Variants in SRPRA observed in about 807,000 individuals in gnomAD.
SRPRA encodes signal recognition particle receptor subunit alpha.
In SRPRA, 30 loss-of-function variants were observed where a neutral mutation model predicts 61.1. The ratio of observed to expected loss-of-function variants is 0.49; its 90% CI spans 0.37 to 0.67. The LOEUF (loss-of-function observed/expected upper bound fraction) is 0.67, where lower values mean the gene tolerates loss of function less well. SRPRA is among the 30% of genes least tolerant of loss of function. The pLI, the probability that SRPRA is intolerant of heterozygous loss-of-function variation, is 0.00. For synonymous variants in SRPRA, 324 were observed against 299.7 expected, an observed-to-expected ratio of 1.08 and a Z score of -0.84; for missense variants, 759 against 828.4, an observed-to-expected ratio of 0.92 and a Z score of 1.03.
the SRPRA span, among the ~76,000 whole-genome samples, chr11:126,247,902 C>T: frequency 6.3e-5 from 9 of 143,856 alleles, no homozygotes; most frequent in Non-Finnish European, 1.4e-4. Context: ...TATAGATATA[C>T]GTATATCTAT....
intron 6 of SRPRA, 97 bp downstream of exon 6, chr11:126,266,379 T>A (rs1207376942): frequency 6.3e-7 from 1 of 1,590,386 alleles, no homozygotes; most frequent in Non-Finnish European, 8.6e-7. Context: ...GCTCCAAGTA[T>A]AACTTACCCC....
the SRPRA span, chr11:126,254,490 A>G: frequency 2.5e-6 from 4 of 1,602,900 alleles, no homozygotes; most frequent in Non-Finnish European, 3.4e-6. Context: ...ATCTCTCTAA[A>G]TATGCCATAG....
the SRPRA span, chr11:126,256,544 T>C: frequency 3.1e-4 from 491 of 1,608,964 alleles, 2 homozygotes; most frequent in South Asian, 4.9e-3. The surrounding 1 kb of genome is among the most constrained non-coding windows in gnomAD (Gnocchi z 6.6). Context: ...ACAATGTCAA[T>C]ATGTTGTATC....
the SRPRA span, among the ~76,000 whole-genome samples, chr11:126,249,760 AG>A: frequency 6.6e-6 from 1 of 151,100 alleles, no homozygotes; most frequent in African/African-American, 2.4e-5. Context: ...AAAAAGAAAA[AG>A]AAAAGGAGAT....
Position 126,264,146 on chromosome 11 carries a change from T to TC in SRPRA, c.1788+44dup. ...GCCAAGATTTCCTTGCAGCCTCAGC[T>TC]CCTTTGTGCAGGACGCCCATTCCAG... On this transcript the variant is annotated intron_variant, in intron 13 of 13. Transcript: ENST00000332118. This position sits in a 1 kb window ranked among gnomAD's most constrained non-coding sequence, Gnocchi z 5.0. 2 of 1,612,038 alleles carry TC rather than the reference T, an allele frequency of 1.2e-6. No individual in the cohort carries two copies. The highest frequency in any genetic ancestry group is 1.7e-6 in the Non-Finnish European group (2 of 1,178,648).
chr11:126,265,784 TCA>T lies in SRPRA; in HGVS notation c.1089_1090del (p.Cys363Ter). 1.2e-6 allele frequency: 2 copies of T among 1,614,204 alleles called. No individual in the cohort carries two copies. The highest frequency in any genetic ancestry group is 1.7e-6 in the Non-Finnish European group (2 of 1,180,040). ...CCCTTCCAACTTGTTGGCAACAGAT[TCA>T]CAGAGCTGGACGGCAATGTCTGCAG... On this transcript the variant is annotated stop_gained and frameshift_variant, in exon 9 of 14. Transcript: ENST00000332118. LOFTEE classifies it high-confidence loss of function. This position sits in a 1 kb window ranked among gnomAD's most constrained non-coding sequence, Gnocchi z 6.3.
At chr11:126,236,502 T>C in the SRPRA span, among the ~76,000 whole-genome samples, 2 of 152,200 alleles carry the variant, frequency 1.3e-5, no homozygotes, top group African/African-American at 2.4e-5. Context: ...TTGTTGTTCA[T>C]TAGAAGCTTA....
At chr11:126,262,192 G>C (rs561297451), downstream of SRPRA, 3 of 1,573,052 alleles carry the variant, frequency 1.9e-6, no homozygotes, top group Admixed American at 5.1e-5. Context: ...TACAGACAGT[G>C]TTTAACAAGT....
chr11:126,240,826 C>T, the SRPRA span: 14 of 1,610,406 alleles, frequency 8.7e-6, no homozygotes, highest in South Asian at 5.5e-5. Context: ...TAAGAAGCCT[C>T]GAGAACTTGT....
rs1486936937 is a variant in SRPRA at position 126,266,748 on chromosome 11, A to G, written c.686+15T>C. ...GATAACAGTATTTTGAGAGTACTGG[A>G]GAAAGAGTGCTCACTTGGACTTCTC... On this transcript the variant is annotated intron_variant, in intron 5 of 13. Transcript: ENST00000332118. 7.4e-6 allele frequency: 12 copies of G among 1,613,718 alleles called. No homozygotes were observed. The highest frequency in any genetic ancestry group is 2.5e-6 in the Non-Finnish European group (3 of 1,179,760).
At chr11:126,256,991 T>C in the SRPRA span, 1 of 854,928 alleles carries the variant, frequency 1.2e-6, no homozygotes, top group East Asian at 2.5e-5. The surrounding 1 kb of genome is among the most constrained non-coding windows in gnomAD (Gnocchi z 6.6). Flanking sequence ...GGCCACAGTC[T>C]TCAGGTTAGA....
the SRPRA span, among the ~76,000 whole-genome samples, chr11:126,257,348 C>T: frequency 6.6e-6 from 1 of 152,250 alleles, no homozygotes; most frequent in South Asian, 2.1e-4. Context: ...GATGATTGCA[C>T]AATCACACAA....
rs759706861 is a variant in SRPRA, at chr11:126,263,866, A to G, written c.*50T>C. On this transcript the variant is annotated 3_prime_UTR_variant, in exon 14 of 14. Transcript: ENST00000332118. Reference sequence around the variant, plus strand: ...CTCTAAAGCACATTCTTGATACAGGAAGAAGGGCTTGTGGGGAAAGCGGCG... The same window carrying G: ...CTCTAAAGCACATTCTTGATACAGGGAGAAGGGCTTGTGGGGAAAGCGGCG... The G allele has an allele frequency of 6.2e-7, 1 of 1,607,368 alleles. No individual in the cohort carries two copies. Among genetic ancestry groups the G allele is most frequent in the African/African-American group, 1.3e-5 (1 of 74,718 alleles).
At chr11:126,266,984 T>C in intron 4 of SRPRA, 62 bp from the exon 5 acceptor site, 1 of 1,570,006 alleles carries the variant, frequency 6.4e-7, no homozygotes, top group Non-Finnish European at 8.6e-7. Flanking sequence ...AGACAATGGC[T>C]AAAAGTCTTC....
In SRPRA at chr11:126,265,373, A is replaced by G. The variant is rs1414343581; in HGVS notation, c.1206T>C (p.Arg402=). The change falls in exon 10 of 14, where the codon CGT becomes CGC. Residue 402 remains arginine, a synonymous_variant. Transcript: ENST00000332118. This position sits in a 1 kb window ranked among gnomAD's most constrained non-coding sequence, Gnocchi z 6.3. The part of the protein sequence containing the change: ...SLVQILQPQR[R]VDMLRDIMDA... ...CCATGATGTCCCGGAGCATGTCTACACGACGCTGTGGCTGCAGAATCTGCA... is the reference window on the plus strand; with the variant it reads ...CCATGATGTCCCGGAGCATGTCTACGCGACGCTGTGGCTGCAGAATCTGCA... The G allele has an allele frequency of 7.4e-6, 12 of 1,613,968 alleles. No homozygotes were observed. Among genetic ancestry groups the G allele is most frequent in the Middle Eastern group, 1.6e-4 (1 of 6,084 alleles).
chr11:126,245,148 A>G, the SRPRA span: 1 of 152,156 alleles, frequency 6.6e-6, no homozygotes, highest in Non-Finnish European at 1.5e-5. Flanking sequence ...GGGGACCACC[A>G]GGTTGCCTAA....
At chr11:126,250,359 G>A in the SRPRA span, 1 of 591,660 alleles carries the variant, frequency 1.7e-6, no homozygotes, top group Non-Finnish European at 3.0e-6. This position sits in a 1 kb window ranked among gnomAD's most constrained non-coding sequence, Gnocchi z 5.1. Context: ...CCAAAGTGCT[G>A]GGATTACAGG....
intron 6 of SRPRA, 81 bp from the exon 7 acceptor site, chr11:126,266,359 A>C: frequency 6.3e-7 from 1 of 1,593,062 alleles, no homozygotes; most frequent in South Asian, 1.1e-5. Context: ...TATCTCTTTC[A>C]TTTTGGGAAG....
intron 5 of SRPRA, 29 bp downstream of exon 5, chr11:126,266,734 T>A: frequency 6.2e-7 from 1 of 1,612,382 alleles, no homozygotes; most frequent in Non-Finnish European, 8.5e-7. Flanking sequence ...ATAACAGTAT[T>A]TTGAGAGTAC....
Sources: allele counts gnomAD v4.1 joint callset (sites outside exome capture counted in the v4.1 genomes callset), GRCh38; gene constraint gnomAD v4.1.1; non-coding constraint Gnocchi (gnomAD v3.1); transcripts MANE v1.5; gene names NCBI Gene and HGNC (gene_info 2026-07-23, HGNC 2026-07-21).